Variants in AUTS2 observed in about 807,000 individuals in gnomAD.
AUTS2 encodes activator of transcription and developmental regulator AUTS2, also known as autism susceptibility gene 2 protein.
Under a neutral mutation model 112.4 loss-of-function variants are expected in AUTS2, and 17 were observed. That is an observed-to-expected ratio of 0.15 (90% CI 0.10 to 0.23). The LOEUF is 0.23. Among genes scored for constraint, AUTS2 ranks in the 10% least tolerant of loss-of-function variants. The probability of loss-of-function intolerance (pLI) is 1.00; values close to 1 mark genes in which losing one functional copy is unlikely to be tolerated. For synonymous variants in AUTS2, 751 were observed against 702.7 expected, an observed-to-expected ratio of 1.07 and a Z score of -1.09; for missense variants, 1,510 against 1,701.6, an observed-to-expected ratio of 0.89 and a Z score of 1.98.
At chr7:70,751,379 A>C (rs6957352) in intron 6 of AUTS2, among the ~76,000 whole-genome samples, 62,301 of 152,100 alleles carry the variant, frequency 0.41, 14,946 homozygotes, top group African/African-American at 0.67. Context: ...ATTTTATTCA[A>C]CTTAATGTGA....
At chr7:69,931,835 C>G (rs1222747460) in intron 2 of AUTS2, among the ~76,000 whole-genome samples, 1 of 152,190 alleles carries the variant, frequency 6.6e-6, no homozygotes, top group Non-Finnish European at 1.5e-5. Context: ...AAGACTACCC[C>G]GCTTGTCAGG....
At chr7:70,180,432 C>T (rs1170798145) in intron 4 of AUTS2, among the ~76,000 whole-genome samples, 1 of 152,092 alleles carries the variant, frequency 6.6e-6, no homozygotes, top group Non-Finnish European at 1.5e-5. Context: ...CATACACACA[C>T]AGTTGGCTTT....
chr7:70,470,275 C>G (rs763567190), intron 5 of AUTS2, among the ~76,000 whole-genome samples: 2 of 152,206 alleles, frequency 1.3e-5, no homozygotes, highest in East Asian at 1.9e-4. Context: ...TGGCCACTGC[C>G]AGCCCCAACC....
chr7:70,765,144 C>T, intron 8 of AUTS2, 139 bp downstream of exon 8: 1 of 1,200,802 alleles, frequency 8.3e-7, no homozygotes, highest in South Asian at 1.5e-5. Flanking sequence ...TCCTCAAACG[C>T]TCTCTGGCCT....
intron 5 of AUTS2, among the ~76,000 whole-genome samples, chr7:70,663,157 G>A (rs553052545): frequency 5.3e-5 from 8 of 152,320 alleles, no homozygotes; most frequent in Non-Finnish European, 1.2e-4. Flanking sequence ...CACTTTGGGA[G>A]GCCGAGGCAG....
intron 5 of AUTS2, among the ~76,000 whole-genome samples, chr7:70,592,602 T>C (rs1410234931): frequency 6.6e-6 from 1 of 152,020 alleles, no homozygotes; most frequent in Non-Finnish European, 1.5e-5. Flanking sequence ...CCTCAAATGA[T>C]CCCACCCGCC....
chr7:69,805,654 A>T (rs1472149381), intron 1 of AUTS2, among the ~76,000 whole-genome samples: 1 of 152,220 alleles, frequency 6.6e-6, no homozygotes, highest in African/African-American at 2.4e-5. Flanking sequence ...AGCAACGCAG[A>T]TCAGTTCTTC....
At chr7:69,954,742 C>T (rs1178865589) in intron 2 of AUTS2, among the ~76,000 whole-genome samples, 1 of 152,132 alleles carries the variant, frequency 6.6e-6, no homozygotes, top group African/African-American at 2.4e-5. Context: ...GGTCAGTGGC[C>T]CAACCAGGTT....
chr7:70,454,356 G>A (rs1175164852), intron 5 of AUTS2, among the ~76,000 whole-genome samples: 7 of 152,100 alleles, frequency 4.6e-5, no homozygotes, highest in African/African-American at 1.7e-4. Flanking sequence ...CCAACATGGT[G>A]AAACCCCGTC....
chr7:70,427,275 A>G (rs892308571), intron 4 of AUTS2, among the ~76,000 whole-genome samples: 6 of 152,226 alleles, frequency 3.9e-5, no homozygotes, highest in Non-Finnish European at 5.9e-5. Context: ...AAAAGAGATC[A>G]TTTACAAATC....
At position 70,303,426 on chromosome 7, in the gene AUTS2, G is replaced by A. The variant is rs148759467; in HGVS notation, c.661-132326G>A. ...CATGTGTGCACGCACACACACACGCGCGCGCGCGCACATACACACACACAC... is the reference window on the plus strand; with the variant it reads ...CATGTGTGCACGCACACACACACGCACGCGCGCGCACATACACACACACAC... On this transcript the variant is annotated intron_variant, in intron 4 of 18. Coordinates refer to ENST00000342771, the MANE Select transcript of AUTS2 (RefSeq NM_015570.4). 6.6e-4 allele frequency among the ~76,000 whole-genome samples: 77 copies of A among 117,014 alleles called. 1 individual carries two copies. Among genetic ancestry groups the A allele is most frequent in the East Asian group, 4.1e-3 (14 of 3,448 alleles). 76.8% of individuals were successfully genotyped at this position (117,014 alleles called of 152,430 possible).
At chr7:70,628,652 C>G (rs1041313680) in intron 5 of AUTS2, among the ~76,000 whole-genome samples, 1 of 151,872 alleles carries the variant, frequency 6.6e-6, no homozygotes, top group African/African-American at 2.4e-5. Flanking sequence ...TGATTTTAGC[C>G]CACTTGGTTG....
chr7:70,718,852 T>G (rs527465646), intron 6 of AUTS2, among the ~76,000 whole-genome samples: 2 of 152,270 alleles, frequency 1.3e-5, no homozygotes, highest in South Asian at 2.1e-4. Context: ...ACTATATAAC[T>G]TACTGTCCAG....
chr7:69,820,419 C>T (rs915413137), intron 1 of AUTS2, among the ~76,000 whole-genome samples: 9 of 152,186 alleles, frequency 5.9e-5, no homozygotes, highest in Admixed American at 1.3e-4. Flanking sequence ...TTTGGGGCAT[C>T]GCCCAGACTA....
Position 70,763,271 on chromosome 7 carries a change from C to A in AUTS2, c.1144C>A (p.Pro382Thr). ...GAACCTCCCACCTGTGCAGGCCCAC[C>A]CCTCTGCTCAGAGCCTCTCCCAGCC... ...HQNLPPVQAH[P>T]SAQSLSQPLS... The change falls in exon 7 of 19, where the codon CCC becomes ACC. Residue 382 changes from proline (P) to threonine (T), a missense_variant. By Grantham distance (38) the Pro-to-Thr change is conservative (BLOSUM62 -1). Around this residue, in one of 3 missense-constraint regions of AUTS2, gnomAD observed 535 missense variants for 594.3 expected, o/e 0.90. Transcript: ENST00000342771. The A allele has an allele frequency of 6.2e-7, 1 of 1,612,386 alleles. No individual in the cohort carries two copies. The highest frequency in any genetic ancestry group is 8.5e-7 in the Non-Finnish European group (1 of 1,179,080).
intron 4 of AUTS2, among the ~76,000 whole-genome samples, chr7:70,288,333 C>T (rs1447346930): frequency 1.3e-5 from 2 of 152,016 alleles, no homozygotes; most frequent in Non-Finnish European, 2.9e-5. Context: ...ACCCGGGAGG[C>T]GGAGGTTGCA....
intron 4 of AUTS2, among the ~76,000 whole-genome samples, chr7:70,435,348 G>A (rs375754875): frequency 4.6e-5 from 7 of 152,170 alleles, no homozygotes; most frequent in African/African-American, 1.4e-4. Flanking sequence ...GAATGTCTTC[G>A]TTAAGAAATT....
intron 2 of AUTS2, among the ~76,000 whole-genome samples, chr7:70,034,620 C>T (rs1048241143): frequency 2.0e-4 from 31 of 152,158 alleles, no homozygotes; most frequent in African/African-American, 7.2e-4. Flanking sequence ...TTTGGAGGTG[C>T]TTCTAGTATC....
intron 4 of AUTS2, among the ~76,000 whole-genome samples, chr7:70,167,630 A>G (rs904786597): frequency 3.3e-5 from 5 of 152,330 alleles, no homozygotes; most frequent in Admixed American, 6.5e-5. Context: ...CCAAATGCAC[A>G]TGCCATACTC....
Sources: gnomAD v4.1 joint callset for allele counts (sites outside exome capture counted in the v4.1 genomes callset) on GRCh38, gnomAD v4.1.1 for gene constraint, gnomAD v4.1.1 regional missense constraint, MANE v1.5 for transcripts, NCBI Gene and HGNC (gene_info 2026-07-23, HGNC 2026-07-21) for gene names.